The following ASRGL1 variants were observed in gnomAD, a reference collection of about 807,000 sequenced individuals.
The protein encoded by ASRGL1 is isoaspartyl peptidase/L-asparaginase.
A neutral mutation model predicts 22.4 loss-of-function variants in ASRGL1; 16 were observed. The ratio of observed to expected loss-of-function variants is 0.71; its 90% CI spans 0.48 to 1.08. The LOEUF is 1.08. Ranked by LOEUF, ASRGL1 falls within the 50% of genes least tolerant of loss-of-function variation. The pLI is 0.00. For missense variants in ASRGL1, 412 were observed against 410.1 expected (o/e 1.00, Z -0.04); for synonymous variants, 165 against 159.3 (o/e 1.04, Z -0.27).
At chr11:62,399,125 A>G in the ASRGL1 span, among the ~76,000 whole-genome samples, 1 of 152,228 alleles carries the variant, frequency 6.6e-6, no homozygotes, top group Admixed American at 6.5e-5. Flanking sequence ...CTGAGGCAGG[A>G]GAATTGCTTG....
In ASRGL1 at chr11:62,393,145, G is replaced by C. The variant is rs1298369741; in HGVS notation, c.*861G>C. On this transcript the variant is annotated 3_prime_UTR_variant, in exon 7 of 7. Transcript: ENST00000415229. ...TAGGGCTGACCCCGTGACTTCCTGAGTCCTCACCCTGTCCAGTGCTTTGAG... is the reference window on the plus strand; with the variant it reads ...TAGGGCTGACCCCGTGACTTCCTGACTCCTCACCCTGTCCAGTGCTTTGAG... 1 of 152,386 alleles carries C rather than the reference G, an allele frequency of 6.6e-6. No homozygotes were observed. Among genetic ancestry groups the C allele is most frequent in the African/African-American group, 2.4e-5 (1 of 41,436 alleles). 9.4% of individuals were successfully genotyped at this position (152,386 alleles called of 1,614,324 possible). A position where few individuals can be genotyped will look rare whatever the true frequency, so the allele number is the denominator to read the frequency against.
At chr11:62,349,633 G>T (rs1301788746) in intron 2 of ASRGL1, among the ~76,000 whole-genome samples, 1 of 152,118 alleles carries the variant, frequency 6.6e-6, no homozygotes, top group Non-Finnish European at 1.5e-5. Context: ...TGTAAATGGA[G>T]TTGTTACCAG....
At chr11:62,341,101 G>T (rs1945851749) in intron 2 of ASRGL1, among the ~76,000 whole-genome samples, 1 of 151,868 alleles carries the variant, frequency 6.6e-6, no homozygotes, top group Non-Finnish European at 1.5e-5. Flanking sequence ...ATGACCATTT[G>T]CTTTCACTGG....
intron 4 of ASRGL1, among the ~76,000 whole-genome samples, chr11:62,358,043 G>A (rs1946344366): frequency 6.6e-6 from 1 of 152,206 alleles, no homozygotes; most frequent in Admixed American, 6.5e-5. Flanking sequence ...AGGTAATTCT[G>A]ATGTGTTCCT....
At chr11:62,400,908 C>T in the ASRGL1 span, among the ~76,000 whole-genome samples, 1 of 152,224 alleles carries the variant, frequency 6.6e-6, no homozygotes, top group African/African-American at 2.4e-5. Context: ...AGACGCCCTG[C>T]CCCTCGTCTC....
chr11:62,395,724 A>G (rs1209608055), downstream of ASRGL1, among the ~76,000 whole-genome samples: 1 of 149,124 alleles, frequency 6.7e-6, no homozygotes, highest in Non-Finnish European at 1.5e-5. Flanking sequence ...ATCTTTGCAC[A>G]AAACCATCAC....
chr11:62,387,125 A>G (rs530503100), intron 4 of ASRGL1, among the ~76,000 whole-genome samples: 9 of 151,796 alleles, frequency 5.9e-5, no homozygotes, highest in African/African-American at 2.2e-4. Context: ...CTAGTCTCAA[A>G]CTGCTGACCT....
At chr11:62,363,649 C>T (rs1946538499) in intron 4 of ASRGL1, among the ~76,000 whole-genome samples, 1 of 151,958 alleles carries the variant, frequency 6.6e-6, no homozygotes, top group South Asian at 2.1e-4. Context: ...TATATAAATC[C>T]ATATAGTATT....
the ASRGL1 span, among the ~76,000 whole-genome samples, chr11:62,399,116 T>C: frequency 6.6e-6 from 1 of 152,184 alleles, no homozygotes; most frequent in East Asian, 1.9e-4. Flanking sequence ...CTCAGGAGAC[T>C]GAGGCAGGAG....
chr11:62,356,798 G>C (rs573800955), intron 3 of ASRGL1, among the ~76,000 whole-genome samples, 189 bp from the exon 4 acceptor site: 67 of 152,152 alleles, frequency 4.4e-4, no homozygotes, highest in African/African-American at 1.6e-3. Flanking sequence ...CCATCAATTG[G>C]GGTCTTTTCT....
chr11:62,347,177 G>A (rs1217260250), intron 2 of ASRGL1, among the ~76,000 whole-genome samples: 3 of 152,092 alleles, frequency 2.0e-5, no homozygotes, highest in Non-Finnish European at 4.4e-5. Flanking sequence ...TTTTGAAGCA[G>A]TTTGACAGCA....
intron 4 of ASRGL1, chr11:62,373,045 C>G (rs1339483396): frequency 1.4e-6 from 2 of 1,387,842 alleles, no homozygotes; most frequent in African/African-American, 2.8e-5. Context: ...GAGGTGAAGA[C>G]TCTGCATGGC....
intron 5 of ASRGL1, among the ~76,000 whole-genome samples, chr11:62,390,026 G>A (rs536321610): frequency 6.6e-6 from 1 of 152,290 alleles, no homozygotes; most frequent in Non-Finnish European, 1.5e-5. Context: ...CAGAGACACT[G>A]GAAGCTTCCT....
chr11:62,387,322 A>G (rs1426058850), intron 4 of ASRGL1, among the ~76,000 whole-genome samples: 1 of 152,208 alleles, frequency 6.6e-6, no homozygotes. Context: ...TAGGATGATT[A>G]TATTCTTTAG....
At chr11:62,385,782 T>G (rs1177533248) in intron 4 of ASRGL1, among the ~76,000 whole-genome samples, 1 of 152,172 alleles carries the variant, frequency 6.6e-6, no homozygotes, top group African/African-American at 2.4e-5. Context: ...GAGAATCACT[T>G]GTACCCAGTA....
intron 2 of ASRGL1, among the ~76,000 whole-genome samples, chr11:62,339,902 C>A (rs1945823090): frequency 6.6e-6 from 1 of 152,122 alleles, no homozygotes; most frequent in African/African-American, 2.4e-5. Flanking sequence ...CTTAATTAAT[C>A]ATCAAATATT....
chr11:62,378,670 T>G (rs917870218), intron 4 of ASRGL1, among the ~76,000 whole-genome samples: 12 of 152,190 alleles, frequency 7.9e-5, no homozygotes, highest in Non-Finnish European at 1.5e-4. Flanking sequence ...GTCAGTTAAC[T>G]TATGCCATCT....
chr11:62,375,166 C>G (rs888907332), intron 4 of ASRGL1, among the ~76,000 whole-genome samples: 1 of 151,974 alleles, frequency 6.6e-6, no homozygotes, highest in Non-Finnish European at 1.5e-5. Flanking sequence ...CCCGCACCTC[C>G]TTCTGGCTTA....
downstream of ASRGL1, among the ~76,000 whole-genome samples, chr11:62,394,168 T>TATATATC (rs1947401119): frequency 7.4e-6 from 1 of 135,342 alleles, no homozygotes; most frequent in Non-Finnish European, 1.6e-5. Flanking sequence ...ACATATATAT[T>TATATATC]ATATATCATA....
Sources: allele counts gnomAD v4.1 joint callset (sites outside exome capture counted in the v4.1 genomes callset), GRCh38; gene constraint gnomAD v4.1.1; transcripts MANE v1.5; gene names NCBI Gene and HGNC (gene_info 2026-07-23, HGNC 2026-07-21).